The following PBX3 variants were observed in gnomAD, a reference collection of about 807,000 sequenced individuals.
PBX3 encodes the protein PBX homeobox 3.
PBX3 carries 14 observed loss-of-function variants against 48.5 expected under a neutral mutation model. The ratio of observed to expected loss-of-function variants is 0.29; its 90% CI spans 0.19 to 0.45. The LOEUF is 0.45. Among genes scored for constraint, PBX3 ranks in the 20% least tolerant of loss-of-function variants. The pLI is 1.00. For missense variants in PBX3, 386 were observed against 546.7 expected (o/e 0.71, Z 2.93); for synonymous variants, 210 against 200.3 (o/e 1.05, Z -0.41).
At chr9:125,803,744 T>C (rs1173958754) in intron 2 of PBX3, among the ~76,000 whole-genome samples, 1 of 152,236 alleles carries the variant, frequency 6.6e-6, no homozygotes, top group Non-Finnish European at 1.5e-5. Flanking sequence ...CTCTCGTTTA[T>C]TTTTTACACG....
At chr9:125,781,412 C>T (rs533667528) in intron 2 of PBX3, among the ~76,000 whole-genome samples, 10 of 151,538 alleles carry the variant, frequency 6.6e-5, no homozygotes, top group African/African-American at 1.5e-4. Flanking sequence ...CGCAGGCACT[C>T]GGCCGGCTGA....
chr9:125,943,341 T>G (rs1196458970), intron 5 of PBX3, among the ~76,000 whole-genome samples: 1 of 108,746 alleles, frequency 9.2e-6, no homozygotes, highest in Non-Finnish European at 1.8e-5. Context: ...GGCTGCAGAG[T>G]GAGACTGTCT....
At chr9:125,914,465 A>T (rs1432247879) in intron 2 of PBX3, among the ~76,000 whole-genome samples, 2 of 152,214 alleles carry the variant, frequency 1.3e-5, no homozygotes, top group Non-Finnish European at 2.9e-5. Flanking sequence ...TCTGTTCTTA[A>T]AAGAATTGAC....
intron 2 of PBX3, among the ~76,000 whole-genome samples, chr9:125,768,483 C>T (rs184152640): frequency 1.1e-4 from 17 of 152,026 alleles, no homozygotes; most frequent in Admixed American, 3.9e-4. Flanking sequence ...AATCATAAAT[C>T]GATTATGTTA....
intron 2 of PBX3, among the ~76,000 whole-genome samples, chr9:125,840,617 CTG>C (rs1189088149): frequency 1.3e-5 from 2 of 151,774 alleles, no homozygotes; most frequent in Non-Finnish European, 2.9e-5. Flanking sequence ...GGTACATTGA[CTG>C]TAATTTTATA....
chr9:125,830,055 A>G (rs1261765790), intron 2 of PBX3, among the ~76,000 whole-genome samples: 1 of 152,222 alleles, frequency 6.6e-6, no homozygotes, highest in Admixed American at 6.5e-5. Context: ...CTCTTACAAC[A>G]GGAAGCTTGA....
intron 2 of PBX3, among the ~76,000 whole-genome samples, chr9:125,899,321 T>A (rs10987008): frequency 0.55 from 56,876 of 103,340 alleles, 17,201 homozygotes; most frequent in Non-Finnish European, 0.62. Context: ...GTATATATTT[T>A]TATATAAATA....
At chr9:125,752,314 GA>G (rs1588115114) in intron 2 of PBX3, among the ~76,000 whole-genome samples, 5 of 152,310 alleles carry the variant, frequency 3.3e-5, no homozygotes, top group African/African-American at 1.2e-4. Context: ...CAGGGGAAGA[GA>G]AAGGCCTGCT....
At chr9:125,786,101 A>G (rs546572068) in intron 2 of PBX3, among the ~76,000 whole-genome samples, 107 of 152,318 alleles carry the variant, frequency 7.0e-4, no homozygotes, top group Non-Finnish European at 1.3e-3. Flanking sequence ...TCCTGCTGAT[A>G]TCACTCCCAA....
chr9:125,927,090 C>T (rs1375328266), intron 3 of PBX3, among the ~76,000 whole-genome samples: 4 of 152,164 alleles, frequency 2.6e-5, no homozygotes, highest in Admixed American at 2.6e-4. Flanking sequence ...AGGTCATTGA[C>T]CTTCTAAACC....
chr9:125,906,770 T>G (rs1370169073), intron 2 of PBX3, among the ~76,000 whole-genome samples: 2 of 152,050 alleles, frequency 1.3e-5, no homozygotes, highest in Non-Finnish European at 2.9e-5. Context: ...TATCATCATA[T>G]CTGTATGGTT....
intron 2 of PBX3, among the ~76,000 whole-genome samples, chr9:125,891,364 A>C (rs187778700): frequency 1.3e-5 from 2 of 152,372 alleles, no homozygotes; most frequent in East Asian, 3.9e-4. Flanking sequence ...CCAAATCATT[A>C]GAAGTTGATA....
At chr9:125,940,166 A>G (rs1444348901) in intron 5 of PBX3, among the ~76,000 whole-genome samples, 1 of 151,996 alleles carries the variant, frequency 6.6e-6, no homozygotes, top group East Asian at 1.9e-4. Context: ...CCTGGGCAAC[A>G]AGAGCAAAAC....
chr9:125,961,402 G>A (rs1588345408), intron 6 of PBX3, among the ~76,000 whole-genome samples: 4 of 152,164 alleles, frequency 2.6e-5, no homozygotes, highest in South Asian at 4.1e-4. Context: ...TTGGATCCTC[G>A]TCCGGTACAT....
intron 2 of PBX3, among the ~76,000 whole-genome samples, chr9:125,777,443 C>A (rs1391103350): frequency 6.6e-6 from 1 of 151,894 alleles, no homozygotes; most frequent in Admixed American, 6.6e-5. Flanking sequence ...GCAACCTCCA[C>A]CCCCTGGGTT....
chr9:125,966,977 T>C lies in PBX3; in HGVS notation c.*1054T>C, dbSNP rs1183248549. The C allele has an allele frequency of 6.6e-6, 1 of 152,632 alleles. No individual in the cohort carries two copies. Among genetic ancestry groups the C allele is most frequent in the African/African-American group, 2.4e-5 (1 of 41,470 alleles). The allele number at this position is 152,632 out of a possible 1,614,324, so 9.5% of individuals were successfully genotyped here. On this transcript the variant is annotated 3_prime_UTR_variant, in exon 9 of 9. Coordinates refer to ENST00000373489, the MANE Select transcript of PBX3 (RefSeq NM_006195.6). ...AAAATCAGGGTTGCACTTGCAACTT[T>C]TAAAAAACCGAGTGTGGAAACATTG...
chr9:125,778,900 G>T (rs1408211469), intron 2 of PBX3, among the ~76,000 whole-genome samples: 2 of 134,898 alleles, frequency 1.5e-5, no homozygotes, highest in Non-Finnish European at 3.1e-5. Context: ...TGTAGCAAAA[G>T]ATATACATCA....
At chr9:125,955,725 A>G (rs1011467893) in intron 5 of PBX3, among the ~76,000 whole-genome samples, 12 of 152,200 alleles carry the variant, frequency 7.9e-5, no homozygotes, top group African/African-American at 2.9e-4. Flanking sequence ...ACCTGCTGGG[A>G]TATCTCTTCC....
chr9:125,876,058 CA>C (rs920914992), intron 2 of PBX3, among the ~76,000 whole-genome samples: 3 of 152,112 alleles, frequency 2.0e-5, no homozygotes, highest in African/African-American at 7.2e-5. Flanking sequence ...AATAATAATA[CA>C]AAAAAATTCC....
Sources: allele counts gnomAD v4.1 joint callset (sites outside exome capture counted in the v4.1 genomes callset), GRCh38; gene constraint gnomAD v4.1.1; transcripts MANE v1.5; gene names NCBI Gene and HGNC (gene_info 2026-07-23, HGNC 2026-07-21).